STYK1: variants seen among roughly 807,000 people sequenced by gnomAD.
STYK1 encodes the protein STY kinase 1.
A neutral mutation model predicts 48.1 loss-of-function variants in STYK1; 46 were observed. The observed-to-expected ratio is 0.96, with a 90% confidence interval of 0.75 to 1.22. The LOEUF (loss-of-function observed/expected upper bound fraction) is 1.22, where lower values mean the gene tolerates loss of function less well. Ranked by LOEUF, STYK1 falls within the 50% of genes most tolerant of loss-of-function variation. The pLI is 0.00. For missense variants in STYK1, 527 were observed against 521.1 expected (o/e 1.01, Z -0.11); for synonymous variants, 188 against 189.0 (o/e 0.99, Z 0.04).
rs1298066515 is a variant in STYK1 at position 10,640,410 on chromosome 12, C to T, written c.-194-3214G>A. On this transcript the variant is annotated intron_variant, in intron 1 of 10. Coordinates refer to ENST00000075503, the MANE Select transcript of STYK1 (RefSeq NM_018423.3). ...TTTGTGTAGATAACTTGCCTTATGC[C>T]CTGTGATATCTCCTAGTGTGGGTGA... Among the ~76,000 whole-genome samples, 3 of 151,542 alleles carry T rather than the reference C, an allele frequency of 2.0e-5. No homozygotes were observed. In the East Asian group the frequency reaches 5.8e-4, roughly 30 times the overall value.
chr12:10,640,297 G>A lies in STYK1; in HGVS notation c.-194-3101C>T, dbSNP rs919969706. ...CTCTCTCAGTGCCCCAGGCTCTACC[G>A]TTCTAGGGAAACAAACCAGTGAGAG... On this transcript the variant is annotated intron_variant, in intron 1 of 10. Coordinates refer to ENST00000075503, the MANE Select transcript of STYK1 (RefSeq NM_018423.3). Among the ~76,000 whole-genome samples the A allele has an allele frequency of 6.6e-5, 10 of 152,244 alleles. No homozygotes were observed. The South Asian group carries it at 1.7e-3, about 25-fold the overall frequency.
At chr12:10,631,558 C>T (rs2054195) in intron 4 of STYK1, among the ~76,000 whole-genome samples, 84,141 of 151,504 alleles carry the variant, frequency 0.56, 24,520 homozygotes, top group East Asian at 0.79. Context: ...TCCTTTCTGC[C>T]TTCCTTCCTC....
At chr12:10,626,669 A>AT (rs1010725691) in intron 7 of STYK1, among the ~76,000 whole-genome samples, 8 of 152,254 alleles carry the variant, frequency 5.3e-5, no homozygotes, top group Non-Finnish European at 7.4e-5. Flanking sequence ...GTAAAGGTAA[A>AT]TTTTTTATCT....
intron 1 of STYK1, among the ~76,000 whole-genome samples, chr12:10,649,174 G>C (rs557395448): frequency 1.5e-4 from 23 of 151,996 alleles, no homozygotes; most frequent in Admixed American, 2.0e-4. Flanking sequence ...ACTTGAAGGA[G>C]GAGAAATAGG....
At chr12:10,621,998 T>G (rs755857684) in intron 9 of STYK1, 26 bp from the exon 10 acceptor site, 1 of 1,592,046 alleles carries the variant, frequency 6.3e-7, no homozygotes, top group Non-Finnish European at 8.6e-7. Flanking sequence ...TAATGAGAAC[T>G]TTAAGGTCCT....
In STYK1 at chr12:10,643,341, T is replaced by G. The variant is rs568708849; in HGVS notation, c.-194-6145A>C. Among the ~76,000 whole-genome samples, 4 of 152,306 alleles carry G rather than the reference T, an allele frequency of 2.6e-5. No individual in the cohort carries two copies. The East Asian group carries it at 5.8e-4, about 22-fold the overall frequency. On this transcript the variant is annotated intron_variant, in intron 1 of 10. Coordinates refer to ENST00000075503, the MANE Select transcript of STYK1 (RefSeq NM_018423.3). The stretch of plus-strand genomic sequence containing the variant: ...TTTACTGACCATCATCCTGCTCCAC[T>G]CTACTTCATTCCTATTTCATTCACA...
At chr12:10,664,493 G>C (rs1242715631) in intron 1 of STYK1, among the ~76,000 whole-genome samples, 7 of 152,146 alleles carry the variant, frequency 4.6e-5, no homozygotes, top group African/African-American at 1.7e-4. Flanking sequence ...AGAACAGAGA[G>C]TTCTATGCCA....
intron 1 of STYK1, among the ~76,000 whole-genome samples, chr12:10,659,053 G>T (rs1355004983): frequency 6.6e-6 from 1 of 152,120 alleles, no homozygotes; most frequent in East Asian, 1.9e-4. Context: ...TGTGACATTA[G>T]GATAGAGGCG....
intron 1 of STYK1, among the ~76,000 whole-genome samples, chr12:10,671,350 A>G (rs977316089): frequency 2.0e-5 from 3 of 152,238 alleles, no homozygotes; most frequent in African/African-American, 7.2e-5. Context: ...TACAGATGGA[A>G]TGAATCAACT....
intron 9 of STYK1, among the ~76,000 whole-genome samples, chr12:10,622,299 T>C (rs1865920907): frequency 6.6e-6 from 1 of 152,190 alleles, no homozygotes; most frequent in East Asian, 1.9e-4. Flanking sequence ...AATGAATTAA[T>C]AAGTCTGGAG....
intron 1 of STYK1, among the ~76,000 whole-genome samples, chr12:10,657,173 A>G (rs377360140): frequency 4.6e-5 from 7 of 152,144 alleles, no homozygotes; most frequent in African/African-American, 1.7e-4. Context: ...GGACCCTTAA[A>G]TTTTTGAAAT....
At chr12:10,646,919 C>T (rs1273560444) in intron 1 of STYK1, among the ~76,000 whole-genome samples, 1 of 152,192 alleles carries the variant, frequency 6.6e-6, no homozygotes, top group African/African-American at 2.4e-5. Flanking sequence ...TGGTGTTGAG[C>T]CTGTGGGTAC....
At chr12:10,666,395 A>G (rs1947833859) in intron 1 of STYK1, among the ~76,000 whole-genome samples, 1 of 152,224 alleles carries the variant, frequency 6.6e-6, no homozygotes, top group African/African-American at 2.4e-5. Flanking sequence ...TGAATATAAC[A>G]TAATACTGTC....
Position 10,634,602 on chromosome 12 carries a change from A to G in STYK1, c.17T>C (p.Met6Thr). MGMTR[M>T]LLECSLSDKL... Reference sequence around the variant, plus strand: ...GTCACTGAGACTGCATTCCAGGAGCATCCGTGTCATGCCCATTGCCACAGG... The same window carrying G: ...GTCACTGAGACTGCATTCCAGGAGCGTCCGTGTCATGCCCATTGCCACAGG... The change falls in exon 3 of 11, where the codon ATG becomes ACG. Residue 6 changes from methionine (M) to threonine (T), a missense_variant. Physicochemically the swap from Met to Thr is moderately conservative, Grantham distance 81. Transcript: ENST00000075503. The G allele has an allele frequency of 6.2e-7, 1 of 1,614,196 alleles. No individual in the cohort carries two copies. The highest frequency in any genetic ancestry group is 1.1e-5 in the South Asian group (1 of 91,086).
chr12:10,622,784 TGAAGGA>T (rs1565557772), intron 8 of STYK1, 106 bp from the exon 9 acceptor site: 7 of 1,330,584 alleles, frequency 5.3e-6, no homozygotes, highest in Non-Finnish European at 6.3e-6. Context: ...AAAAAGGCAA[TGAAGGA>T]GAATCAAGGA....
intron 1 of STYK1, 68 bp downstream of exon 1, chr12:10,673,898 C>G (rs1266005032): frequency 1.3e-5 from 2 of 152,752 alleles, no homozygotes; most frequent in Non-Finnish European, 2.9e-5. Context: ...CCAGCTGCCT[C>G]GCTGCCATTC....
At chr12:10,630,830 T>C (rs1947418525) in intron 5 of STYK1, among the ~76,000 whole-genome samples, 1 of 152,010 alleles carries the variant, frequency 6.6e-6, no homozygotes, top group Non-Finnish European at 1.5e-5. Flanking sequence ...TTTTAGTTAT[T>C]ATTTGGAGAT....
At chr12:10,629,184 G>C (rs894752414) in intron 6 of STYK1, among the ~76,000 whole-genome samples, 13 of 152,112 alleles carry the variant, frequency 8.5e-5, no homozygotes, top group African/African-American at 3.1e-4. Flanking sequence ...CTGCTCATTA[G>C]CCACCTGTGG....
In STYK1 at chr12:10,673,316, GC is replaced by G. The variant is rs778137019; in HGVS notation, c.-195+649del. Among the ~76,000 whole-genome samples the G allele has an allele frequency of 1.1e-4, 17 of 152,178 alleles. No homozygotes were observed. In the East Asian group the frequency reaches 2.9e-3, roughly 26 times the overall value. On this transcript the variant is annotated intron_variant, in intron 1 of 10. Transcript: ENST00000075503. The stretch of plus-strand genomic sequence containing the variant: ...CGCTTGAACCTGGGAGGCGGAGGTT[GC>G]AGTGAACCGAGATCGCGCCATTGCA...
Sources: allele counts gnomAD v4.1 joint callset (sites outside exome capture counted in the v4.1 genomes callset), GRCh38; gene constraint gnomAD v4.1.1; transcripts MANE v1.5; gene names NCBI Gene and HGNC (gene_info 2026-07-23, HGNC 2026-07-21).